MYO15B: variants seen among roughly 807,000 people sequenced by gnomAD.
The protein encoded by MYO15B is myosin XVB, also known as myosin XVB pseudogene.
MYO15B carries 207 observed loss-of-function variants against 119.3 expected under a neutral mutation model. The observed-to-expected ratio is 1.73, with a 90% CI of 1.55 to 1.95. The LOEUF (loss-of-function observed/expected upper bound fraction) is 1.95. Among genes scored for constraint, MYO15B ranks in the 30% most tolerant of loss-of-function variants. The probability of loss-of-function intolerance (pLI) is 0.00; values close to 1 mark genes in which losing one functional copy is unlikely to be tolerated. For synonymous variants in MYO15B, 966 were observed against 498.9 expected (o/e 1.94, Z -12.48); for missense variants, 2,264 against 1,203.1 (o/e 1.88, Z -13.04).
At chr17:75,607,431 A>AATT (rs71721337) in intron 21 of MYO15B, among the ~76,000 whole-genome samples, 2,112 of 140,440 alleles carry the variant, frequency 0.015, 22 homozygotes, top group East Asian at 0.028. Flanking sequence ...GTTAATAATT[A>AATT]ATTATTATTA....
chr17:75,615,842 G>A, exon 36 of MYO15B: 2 of 701,798 alleles, frequency 2.8e-6, no homozygotes, highest in Non-Finnish European at 5.2e-6. Flanking sequence ...CACCCCCGGA[G>A]AAGCCACAGC....
rs906708720 is a variant in MYO15B, at chr17:75,601,435, T to G, written c.3526-3T>G. The G allele has an allele frequency of 1.4e-6, 1 of 702,972 alleles. No homozygotes were observed. Among genetic ancestry groups the G allele is most frequent in the African/African-American group, 1.7e-5 (1 of 57,364 alleles). 43.5% of individuals were successfully genotyped at this position (702,972 alleles called of 1,614,324 possible). On this transcript the variant is annotated splice_polypyrimidine_tract_variant and splice_region_variant and intron_variant, in intron 14 of 63. Transcript: ENST00000645453. ...TGAAGGGAGCTCATGGCTCCTCTCC[T>G]AGGCCACGGACCACACCTTCCTCCA...
At chr17:75,618,383 G>A (rs931100039) in intron 43 of MYO15B, among the ~76,000 whole-genome samples, 198 bp downstream of exon 43, 25 of 152,222 alleles carry the variant, frequency 1.6e-4, no homozygotes, top group African/African-American at 5.5e-4. Context: ...GGCCAGGTGC[G>A]GTGGCTCATG....
exon 35 of MYO15B, chr17:75,615,599 T>C: frequency 2.9e-6 from 2 of 695,958 alleles, no homozygotes; most frequent in South Asian, 3.0e-5. Flanking sequence ...GCGCTAATCC[T>C]GGTGAGCGCT....
chr17:75,613,196 A>T lies in MYO15B; in HGVS notation c.4954A>T (p.Lys1652Ter), dbSNP rs1393123189. Reference sequence around the variant, plus strand: ...CTTTCCCCCACTGCCTGTCCTACAGAAGCCACTGCTCAAGTAAGGGGCCTG... The same window carrying T: ...CTTTCCCCCACTGCCTGTCCTACAGTAGCCACTGCTCAAGTAAGGGGCCTG... The change falls in exon 27 of 64, where the codon AAG becomes TAG. Residue 1652 changes from lysine (K) to a stop codon, truncating the protein, a stop_gained. Transcript: ENST00000645453. LOFTEE classifies it high-confidence loss of function. 8.6e-6 allele frequency: 6 copies of T among 696,250 alleles called. No individual in the cohort carries two copies. The highest frequency in any genetic ancestry group is 1.6e-5 in the Non-Finnish European group (6 of 379,902). 43.1% of individuals were successfully genotyped at this position (696,250 alleles called of 1,614,324 possible).
At chr17:75,615,881 G>C (rs1163608966) in exon 36 of MYO15B, 2 of 675,352 alleles carry the variant, frequency 3.0e-6, no homozygotes, top group African/African-American at 3.5e-5. Context: ...GTGGCTGCCT[G>C]AGGGTGAGGA....
chr17:75,615,081 C>G, intron 33 of MYO15B, 39 bp downstream of exon 33: 1 of 696,084 alleles, frequency 1.4e-6, no homozygotes, highest in East Asian at 2.7e-5. Flanking sequence ...GGCCTCCGGG[C>G]CCGGCAGCAT....
intron 9 of MYO15B, among the ~76,000 whole-genome samples, 200 bp from the exon 10 acceptor site, chr17:75,594,275 C>G (rs532172948): frequency 1.3e-5 from 2 of 152,120 alleles, no homozygotes; most frequent in African/African-American, 2.4e-5. Context: ...CAGAACTGTC[C>G]GCCAGCAAAG....
chr17:75,590,432 G>A (rs753553809), intron 1 of MYO15B, 189 bp downstream of exon 1: 2 of 397,526 alleles, frequency 5.0e-6, no homozygotes, highest in Non-Finnish European at 8.9e-6. Context: ...TTTCTAATTA[G>A]TACAAAGCTT....
In MYO15B at chr17:75,613,479, C is replaced by A. The variant is rs758344983; in HGVS notation, c.5146+8C>A. ...ATGTGTTCACCTTCAGCGGTGAGGGCTGCCTCTGGCTGAGGCCTCCCAGGC... is the reference window on the plus strand; with the variant it reads ...ATGTGTTCACCTTCAGCGGTGAGGGATGCCTCTGGCTGAGGCCTCCCAGGC... On this transcript the variant is annotated splice_region_variant and intron_variant, in intron 28 of 63. Transcript: ENST00000645453. 24 of 671,588 alleles carry A rather than the reference C, an allele frequency of 3.6e-5. No individual in the cohort carries two copies. In the South Asian group the frequency reaches 3.6e-4, roughly 10 times the overall value. The allele number at this position is 671,588 out of a possible 1,614,324, so 41.6% of individuals were successfully genotyped here.
At chr17:75,590,627 C>T (rs977210849) in exon 2 of MYO15B, 3 of 210,602 alleles carry the variant, frequency 1.4e-5, no homozygotes, top group East Asian at 1.1e-4. Flanking sequence ...TCCCTACAGG[C>T]TGGTGTGTGA....
In MYO15B at chr17:75,589,790, C is replaced by T. The variant is rs1401532746; in HGVS notation, c.1733C>T (p.Pro578Leu). ...CCCACGGGGGAAGGCCGAGGTTGGC[C>T]TCGTGCAGGGGTGGGGGGGCACAGT... The change falls in exon 1 of 64, where the codon CCT (proline) becomes CTT (leucine). Residue 578 changes from proline (P) to leucine (L), a missense_variant. Pro to Leu is a moderately conservative substitution (Grantham distance 98). Transcript: ENST00000645453. This position sits in a 1 kb window ranked among gnomAD's most constrained non-coding sequence, Gnocchi z 4.2. 19 of 398,010 alleles carry T rather than the reference C, an allele frequency of 4.8e-5. No individual in the cohort carries two copies. In the East Asian group the frequency reaches 6.8e-4, roughly 14 times the overall value. 24.7% of individuals were successfully genotyped at this position (398,010 alleles called of 1,614,324 possible).
chr17:75,589,171 C>T lies in MYO15B; in HGVS notation c.1114C>T (p.Arg372Ter), dbSNP rs2056250775. 1 of 393,570 alleles carries T rather than the reference C, an allele frequency of 2.5e-6. No individual in the cohort carries two copies. Among genetic ancestry groups the T allele is most frequent in the African/African-American group, 2.1e-5 (1 of 48,312 alleles). The allele number at this position is 393,570 out of a possible 1,614,324, so 24.4% of individuals were successfully genotyped here. A position where few individuals can be genotyped will look rare whatever the true frequency, so the allele number is the denominator to read the frequency against. The change falls in exon 1 of 64, where the codon CGA becomes TGA. Residue 372 changes from arginine to a stop codon, truncating the protein, a stop_gained. Transcript: ENST00000645453. LOFTEE classifies it high-confidence loss of function. This position sits in a 1 kb window ranked among gnomAD's most constrained non-coding sequence, Gnocchi z 4.2. The stretch of plus-strand genomic sequence containing the variant: ...CAAGGAGCGGCTCCTGAGTGTAGCG[C>T]GAGCCCTGGGCCTCCTGCGCTGGCT...
At chr17:75,611,741 C>A (rs1190171827) in intron 24 of MYO15B, 83 bp downstream of exon 24, 6 of 698,708 alleles carry the variant, frequency 8.6e-6, no homozygotes, top group Non-Finnish European at 1.6e-5. Context: ...GTGGTTCCTC[C>A]CTCTGATGCT....
chr17:75,609,098 T>G, intron 21 of MYO15B, among the ~76,000 whole-genome samples: 1 of 152,146 alleles, frequency 6.6e-6, no homozygotes, highest in Non-Finnish European at 1.5e-5. Context: ...GCTCCTGGTC[T>G]CTAGTGATCC....
At position 75,620,461 on chromosome 17, in the gene MYO15B, T is replaced by C; in HGVS notation, c.7556-6T>C. 4.3e-6 allele frequency: 3 copies of C among 702,480 alleles called. No homozygotes were observed. Among genetic ancestry groups the C allele is most frequent in the Non-Finnish European group, 7.8e-6 (3 of 384,746 alleles). The allele number at this position is 702,480 out of a possible 1,614,324, so 43.5% of individuals were successfully genotyped here. ...TGGGTGAGCCACATCCCTGGGTGCCTTCCAGGCTGGCAGTTTGGCTCTGCC... is the reference window on the plus strand; with the variant it reads ...TGGGTGAGCCACATCCCTGGGTGCCCTCCAGGCTGGCAGTTTGGCTCTGCC... On this transcript the variant is annotated splice_region_variant and splice_polypyrimidine_tract_variant and intron_variant, in intron 48 of 63. Transcript: ENST00000645453.
At chr17:75,616,403 G>C in exon 38 of MYO15B, 1 of 624,984 alleles carries the variant, frequency 1.6e-6, no homozygotes, top group Admixed American at 2.7e-5. Context: ...AGGAGGAGGA[G>C]GAGGAGGAGG....
chr17:75,617,915 G>A (rs1366632116), exon 42 of MYO15B: 11 of 702,676 alleles, frequency 1.6e-5, no homozygotes, highest in Middle Eastern at 2.3e-4. Flanking sequence ...TTGTTCCTAC[G>A]CAAGGAGGTG....
intron 22 of MYO15B, chr17:75,610,600 A>G (rs1010350156): frequency 1.1e-5 from 6 of 542,600 alleles, no homozygotes; most frequent in South Asian, 2.6e-5. Context: ...TCAAAGGTCA[A>G]TGCCCACGTG....
Sources: gnomAD v4.1 joint callset for allele counts (sites outside exome capture counted in the v4.1 genomes callset) on GRCh38, gnomAD v4.1.1 for gene constraint, Gnocchi (gnomAD v3.1) non-coding constraint, MANE v1.5 for transcripts, NCBI Gene and HGNC (gene_info 2026-07-23, HGNC 2026-07-21) for gene names.